The following BNC2 variants were observed in gnomAD, a reference collection of about 807,000 sequenced individuals.
BNC2 encodes basonuclin zinc finger protein 2, also known as zinc finger protein basonuclin-2.
A neutral mutation model predicts 76.3 loss-of-function variants in BNC2; 20 were observed. That is an observed-to-expected ratio of 0.26 (90% CI 0.18 to 0.38). The LOEUF is 0.38. Among genes scored for constraint, BNC2 ranks in the 10% least tolerant of loss-of-function variants. The probability of loss-of-function intolerance (pLI) is 1.00; values close to 1 mark genes in which losing one functional copy is unlikely to be tolerated. For missense variants in BNC2, 1,382 were observed against 1,399.8 expected, an observed-to-expected ratio of 0.99 and a Z score of 0.20; for synonymous variants, 582 against 514.8, an observed-to-expected ratio of 1.13 and a Z score of -1.77.
chr9:16,500,081 T>C (rs1180031883), intron 5 of BNC2, among the ~76,000 whole-genome samples: 4 of 151,916 alleles, frequency 2.6e-5, no homozygotes, highest in Non-Finnish European at 5.9e-5. Context: ...TCCTCCTCAA[T>C]TCCTGCAGCC....
rs557837294 is a variant in BNC2, at chr9:16,667,103, A to G, written c.330+60694T>C. Among the ~76,000 whole-genome samples, 62 of 151,416 alleles carry G rather than the reference A, an allele frequency of 4.1e-4. 1 individual carries two copies. In the East Asian group the frequency reaches 7.7e-3, roughly 19 times the overall value. ...CATACACACACACACACACACACAC[A>G]CACACGCACACACGCACACACGCCG... On this transcript the variant is annotated intron_variant, in intron 3 of 6. Coordinates refer to ENST00000380672, the MANE Select transcript of BNC2 (RefSeq NM_017637.6).
Position 16,677,259 on chromosome 9 carries a change from T to C in BNC2, c.330+50538A>G, listed in dbSNP as rs577772240. 4.6e-5 allele frequency among the ~76,000 whole-genome samples: 7 copies of C among 152,226 alleles called. No homozygotes were observed. In the South Asian group the frequency reaches 6.2e-4, roughly 14 times the overall value. On this transcript the variant is annotated intron_variant, in intron 3 of 6. Transcript: ENST00000380672. Reference sequence around the variant, plus strand: ...CTCATCTTTCTATACTATCCATCAATTAAAATAAAATTTAAAGATAAAAAC... The same window carrying C: ...CTCATCTTTCTATACTATCCATCAACTAAAATAAAATTTAAAGATAAAAAC...
rs1484034370 is a variant in BNC2 at position 16,746,316 on chromosome 9, A to T, written c.4-7831T>A. On this transcript the variant is annotated intron_variant, in intron 1 of 6. Transcript: ENST00000380672. ...TGAACCTGACTGCAATCAGTGTCAG[A>T]GCCCCCCACATTTAACCCTATGAAT... is the stretch of plus-strand genomic sequence containing the variant. Among the ~76,000 whole-genome samples, 4 of 152,060 alleles carry T rather than the reference A, an allele frequency of 2.6e-5. No individual in the cohort carries two copies. The East Asian group carries it at 7.8e-4, about 30-fold the overall frequency.
intron 1 of BNC2, among the ~76,000 whole-genome samples, chr9:16,739,983 A>T (rs543901021): frequency 1.3e-5 from 2 of 152,200 alleles, no homozygotes; most frequent in East Asian, 1.9e-4. Flanking sequence ...AAGTTATCAC[A>T]TCCAGCAGCC....
intron 5 of BNC2, among the ~76,000 whole-genome samples, chr9:16,442,197 T>G (rs1467189540): frequency 6.6e-6 from 1 of 152,252 alleles, no homozygotes; most frequent in Non-Finnish European, 1.5e-5. Context: ...GTTGATTTCC[T>G]GTGAAAATAA....
intron 1 of BNC2, among the ~76,000 whole-genome samples, chr9:16,799,941 G>A (rs1157202380): frequency 2.0e-5 from 3 of 152,062 alleles, no homozygotes; most frequent in African/African-American, 7.2e-5. Flanking sequence ...AAACTATGTA[G>A]AGGCCGGGCG....
chr9:16,699,629 A>C (rs1316619890), intron 3 of BNC2, among the ~76,000 whole-genome samples: 1 of 152,250 alleles, frequency 6.6e-6, no homozygotes, highest in Non-Finnish European at 1.5e-5. Flanking sequence ...AATCTACAAT[A>C]GTAACAGACA....
At chr9:16,487,199 G>T (rs1297993894) in intron 5 of BNC2, among the ~76,000 whole-genome samples, 1 of 152,136 alleles carries the variant, frequency 6.6e-6, no homozygotes, top group African/African-American at 2.4e-5. Context: ...AGTCTTGAGG[G>T]GGTCAAACGT....
At chr9:16,611,118 T>C (rs1205561059) in intron 3 of BNC2, among the ~76,000 whole-genome samples, 2 of 152,130 alleles carry the variant, frequency 1.3e-5, no homozygotes, top group South Asian at 2.1e-4. Context: ...GTGCAAAAAA[T>C]GGTTCTAATT....
intron 5 of BNC2, among the ~76,000 whole-genome samples, chr9:16,506,320 T>C (rs759313050): frequency 1.1e-4 from 16 of 152,008 alleles, no homozygotes; most frequent in Non-Finnish European, 2.2e-4. Flanking sequence ...AAGACAACCA[T>C]TATTTGTCAA....
At chr9:16,549,963 A>G (rs1386429231) in intron 5 of BNC2, among the ~76,000 whole-genome samples, 1 of 152,058 alleles carries the variant, frequency 6.6e-6, no homozygotes, top group Non-Finnish European at 1.5e-5. Context: ...GAGAAATATT[A>G]TATTAAATTT....
intron 5 of BNC2, among the ~76,000 whole-genome samples, chr9:16,451,164 T>C (rs1821332278): frequency 6.6e-6 from 1 of 152,104 alleles, no homozygotes; most frequent in Non-Finnish European, 1.5e-5. Flanking sequence ...GGGAGACAAT[T>C]AAGAGAGATA....
intron 2 of BNC2, among the ~76,000 whole-genome samples, chr9:16,731,307 C>T (rs1470330764): frequency 6.6e-6 from 1 of 152,150 alleles, no homozygotes; most frequent in African/African-American, 2.4e-5. Flanking sequence ...GTTAAAGAAT[C>T]AGAAGTACTT....
rs553938938 is a variant in BNC2 at position 16,412,294 on chromosome 9, G to C, written c.*6695C>G. ...GGAGGGGTCATTGAAAGATGCATTT[G>C]TACACCTACGTCCATGGTTTGATGC... is the stretch of plus-strand genomic sequence containing the variant. On this transcript the variant is annotated 3_prime_UTR_variant, in exon 7 of 7. Transcript: ENST00000380672. 6.6e-6 allele frequency: 1 copy of C among 152,458 alleles called. No individual in the cohort carries two copies. The highest frequency in any genetic ancestry group is 1.5e-5 in the Non-Finnish European group (1 of 68,028). The allele number at this position is 152,458 out of a possible 1,614,324, so 9.4% of individuals were successfully genotyped here.
chr9:16,676,236 AACTC>A (rs1436830358), intron 3 of BNC2, among the ~76,000 whole-genome samples: 1 of 152,198 alleles, frequency 6.6e-6, no homozygotes, highest in African/African-American at 2.4e-5. Flanking sequence ...AATTATGACT[AACTC>A]CAACAAAATA....
intron 1 of BNC2, among the ~76,000 whole-genome samples, chr9:16,751,672 G>A (rs75703669): frequency 0.65 from 78,498 of 121,442 alleles, 24,873 homozygotes; most frequent in Non-Finnish European, 0.74. Context: ...GTATGTATGT[G>A]TATATATATA....
chr9:16,861,916 G>A (rs1463658343), intron 1 of BNC2, among the ~76,000 whole-genome samples: 2 of 151,992 alleles, frequency 1.3e-5, no homozygotes, highest in East Asian at 3.9e-4. Flanking sequence ...GTGAACCTGG[G>A]AGGTGGAGCT....
intron 3 of BNC2, among the ~76,000 whole-genome samples, chr9:16,636,304 A>C (rs1821323340): frequency 6.6e-6 from 1 of 151,910 alleles, no homozygotes; most frequent in Non-Finnish European, 1.5e-5. Flanking sequence ...TTAGGTGAAG[A>C]CTTTCTTTTT....
chr9:16,661,070 A>G (rs1822097504), intron 3 of BNC2, among the ~76,000 whole-genome samples: 1 of 151,914 alleles, frequency 6.6e-6, no homozygotes, highest in Admixed American at 6.5e-5. Context: ...TTTTAAATGT[A>G]AGGAAACTGA....
Sources: allele counts gnomAD v4.1 joint callset (sites outside exome capture counted in the v4.1 genomes callset), GRCh38; gene constraint gnomAD v4.1.1; transcripts MANE v1.5; gene names NCBI Gene and HGNC (gene_info 2026-07-23, HGNC 2026-07-21).